RIT2: variants seen among roughly 807,000 people sequenced by gnomAD.
The protein encoded by RIT2 is Ras like without CAAX 2, also known as GTP-binding protein Rit2.
In RIT2, 24 loss-of-function variants were observed where a neutral mutation model predicts 23.7. That is an observed-to-expected ratio of 1.01 (90% CI 0.73 to 1.43). The LOEUF is 1.43. RIT2 is among the 40% of genes most tolerant of loss of function. The pLI is 0.00. For missense variants in RIT2, 236 were observed against 266.9 expected (o/e 0.88, Z 0.81); for synonymous variants, 107 against 91.1 (o/e 1.17, Z -0.99).
At chr18:42,779,914 G>T (rs1598650659) in intron 4 of RIT2, among the ~76,000 whole-genome samples, 1 of 152,044 alleles carries the variant, frequency 6.6e-6, no homozygotes, top group East Asian at 1.9e-4. Flanking sequence ...ACATGAAATG[G>T]AGAGAATAGT....
At chr18:43,010,260 G>C (rs911274530) in intron 2 of RIT2, among the ~76,000 whole-genome samples, 11 of 151,676 alleles carry the variant, frequency 7.3e-5, no homozygotes, top group African/African-American at 1.9e-4. Context: ...ACTTGAATTA[G>C]GCTGCAGTCC....
intron 4 of RIT2, among the ~76,000 whole-genome samples, chr18:42,862,205 A>G (rs116147653): frequency 9.5e-4 from 145 of 152,176 alleles, no homozygotes; most frequent in East Asian, 7.0e-3. Context: ...TGCTGTTCTT[A>G]TGATAGAGAG....
intron 2 of RIT2, among the ~76,000 whole-genome samples, chr18:42,984,142 A>G (rs1441064160): frequency 6.6e-6 from 1 of 152,098 alleles, no homozygotes; most frequent in African/African-American, 2.4e-5. Flanking sequence ...ATAGCAAAAA[A>G]CTGTACACAT....
At chr18:43,001,587 A>G (rs1028088328) in intron 2 of RIT2, among the ~76,000 whole-genome samples, 4 of 152,008 alleles carry the variant, frequency 2.6e-5, no homozygotes, top group Non-Finnish European at 4.4e-5. Flanking sequence ...TGGAGGAATT[A>G]TGGAAACAGA....
intron 1 of RIT2, among the ~76,000 whole-genome samples, chr18:43,097,337 A>G (rs1471606348): frequency 6.6e-6 from 1 of 151,910 alleles, no homozygotes; most frequent in African/African-American, 2.4e-5. Flanking sequence ...ATTATAGAGA[A>G]AAGACAGGAC....
intron 4 of RIT2, among the ~76,000 whole-genome samples, chr18:42,884,560 T>A (rs1371534257): frequency 6.6e-6 from 1 of 152,180 alleles, no homozygotes; most frequent in East Asian, 1.9e-4. Flanking sequence ...CCCTCAGTAT[T>A]CATTCCCCAG....
At chr18:42,853,351 T>G (rs1044881501) in intron 4 of RIT2, among the ~76,000 whole-genome samples, 2 of 152,234 alleles carry the variant, frequency 1.3e-5, no homozygotes, top group Non-Finnish European at 2.9e-5. Context: ...ATTCTGACTA[T>G]GTACAAGTTA....
chr18:42,850,637 T>TA (rs1238327848), intron 4 of RIT2, among the ~76,000 whole-genome samples: 1 of 152,210 alleles, frequency 6.6e-6, no homozygotes, highest in Non-Finnish European at 1.5e-5. Flanking sequence ...ATGTTGAAGA[T>TA]ATGTAAATAA....
At chr18:42,986,322 C>T (rs1355401396) in intron 2 of RIT2, among the ~76,000 whole-genome samples, 2 of 151,738 alleles carry the variant, frequency 1.3e-5, no homozygotes, top group Admixed American at 6.6e-5. Context: ...AGGCACCTTG[C>T]CCGGCCCATA....
chr18:42,864,136 T>C, intron 4 of RIT2, among the ~76,000 whole-genome samples: 1 of 152,256 alleles, frequency 6.6e-6, no homozygotes, highest in East Asian at 1.9e-4. Flanking sequence ...TGTAACACTT[T>C]CCTATCAATC....
chr18:42,799,109 G>C (rs1905455416), intron 4 of RIT2, among the ~76,000 whole-genome samples: 1 of 152,170 alleles, frequency 6.6e-6, no homozygotes, highest in Non-Finnish European at 1.5e-5. Flanking sequence ...AAAATAAATA[G>C]GGCATCTCTG....
intron 4 of RIT2, among the ~76,000 whole-genome samples, chr18:42,913,454 C>T (rs558320125): frequency 2.1e-3 from 313 of 151,630 alleles, no homozygotes; most frequent in Admixed American, 3.7e-3. Flanking sequence ...CTGACTAGAA[C>T]CAAATATTTC....
chr18:42,938,623 T>A (rs928893456), intron 3 of RIT2, among the ~76,000 whole-genome samples: 1 of 152,184 alleles, frequency 6.6e-6, no homozygotes, highest in African/African-American at 2.4e-5. Context: ...AATGTTAGAA[T>A]TGAAGAAAGA....
At chr18:42,833,206 G>T (rs1906509238) in intron 4 of RIT2, among the ~76,000 whole-genome samples, 1 of 152,024 alleles carries the variant, frequency 6.6e-6, no homozygotes, top group Non-Finnish European at 1.5e-5. Context: ...TATGAAATCA[G>T]TCTTTTCAGC....
intron 4 of RIT2, among the ~76,000 whole-genome samples, chr18:42,905,977 AAT>A (rs1186458445): frequency 3.0e-5 from 4 of 134,616 alleles, no homozygotes; most frequent in Non-Finnish European, 6.2e-5. Flanking sequence ...AGCAAATTGA[AAT>A]ATATATATAT....
At chr18:42,869,438 A>G (rs1244487387) in intron 4 of RIT2, among the ~76,000 whole-genome samples, 1 of 152,222 alleles carries the variant, frequency 6.6e-6, no homozygotes, top group Non-Finnish European at 1.5e-5. Flanking sequence ...CCAGTTGTAC[A>G]TGACAGTATT....
chr18:43,059,489 A>G (rs1222413105), intron 1 of RIT2, among the ~76,000 whole-genome samples: 3 of 152,132 alleles, frequency 2.0e-5, no homozygotes, highest in African/African-American at 7.2e-5. Flanking sequence ...GAGAAATTGG[A>G]CTAGTATAGC....
At chr18:42,760,477 G>T (rs1383917426) in intron 4 of RIT2, among the ~76,000 whole-genome samples, 2 of 152,192 alleles carry the variant, frequency 1.3e-5, no homozygotes, top group Non-Finnish European at 2.9e-5. Context: ...TGGCTTGTCA[G>T]CTCACTGACA....
In RIT2 at chr18:42,833,644, C is replaced by G. The variant is rs537228745; in HGVS notation, c.427-89924G>C. Reference sequence around the variant, plus strand: ...GTAACTTCAAAGTTACAGATGGACTCAAACTAATTCTCTTGAGTCAAAATC... The same window carrying G: ...GTAACTTCAAAGTTACAGATGGACTGAAACTAATTCTCTTGAGTCAAAATC... On this transcript the variant is annotated intron_variant, in intron 4 of 4. Transcript: ENST00000326695. Among the ~76,000 whole-genome samples the G allele has an allele frequency of 1.8e-4, 28 of 152,204 alleles. 1 individual carries two copies. Among genetic ancestry groups the G allele is most frequent in the African/African-American group, 5.1e-4 (21 of 41,550 alleles).
Sources: gnomAD v4.1 joint callset for allele counts (sites outside exome capture counted in the v4.1 genomes callset) on GRCh38, gnomAD v4.1.1 for gene constraint, MANE v1.5 for transcripts, NCBI Gene and HGNC (gene_info 2026-07-23, HGNC 2026-07-21) for gene names.